EYA1: variants seen among roughly 807,000 people sequenced by gnomAD.
The protein encoded by EYA1 is EYA transcriptional coactivator and phosphatase 1.
Under a neutral mutation model 82.0 loss-of-function variants are expected in EYA1, and 16 were observed. That is an observed-to-expected ratio of 0.20 (90% confidence interval 0.13 to 0.30). EYA1 has a LOEUF of 0.30. EYA1 is among the 10% of genes least tolerant of loss of function. The pLI is 1.00. For synonymous variants in EYA1, 261 were observed against 264.4 expected (o/e 0.99, Z 0.12); for missense variants, 633 against 730.7 (o/e 0.87, Z 1.54).
intron 2 of EYA1, among the ~76,000 whole-genome samples, chr8:71,433,084 A>C (rs1363977738): frequency 6.6e-6 from 1 of 152,206 alleles, no homozygotes; most frequent in Non-Finnish European, 1.5e-5. Context: ...CATGTGGTCA[A>C]ATACCAAACT....
At position 71,427,723 on chromosome 8, in the gene EYA1, T is replaced by A. The variant is rs144678482; in HGVS notation, c.34-71212A>T. Among the ~76,000 whole-genome samples the A allele has an allele frequency of 2.0e-5, 3 of 152,184 alleles. No individual in the cohort carries two copies. In the East Asian group the frequency reaches 5.8e-4, roughly 29 times the overall value. The stretch of plus-strand genomic sequence containing the variant: ...AAGGCTAGTGCATCTCAAAAATTAT[T>A]AGAGATGGAGCAGTAGGCCAAGTAG... On this transcript the variant is annotated intron_variant, in intron 2 of 18. Transcript: ENST00000643681.
intron 2 of EYA1, among the ~76,000 whole-genome samples, chr8:71,520,219 C>A (rs1047644093): frequency 3.3e-5 from 5 of 151,498 alleles, no homozygotes; most frequent in African/African-American, 9.7e-5. Context: ...ATTGGCCCCC[C>A]CCTCCACTGA....
chr8:71,224,096 T>C (rs994872855), intron 12 of EYA1, among the ~76,000 whole-genome samples: 3 of 152,168 alleles, frequency 2.0e-5, no homozygotes, highest in Non-Finnish European at 4.4e-5. Context: ...AGAGTAAACC[T>C]GAAGTCCTTG....
At position 71,499,213 on chromosome 8, in the gene EYA1, T is replaced by C. The variant is rs186392470; in HGVS notation, c.33+36531A>G. 1.4e-3 allele frequency among the ~76,000 whole-genome samples: 216 copies of C among 152,336 alleles called. 1 individual carries two copies. The highest frequency in any genetic ancestry group is 4.9e-3 in the African/African-American group (202 of 41,574). Reference sequence around the variant, plus strand: ...GTAGACTTGAGTCACCTCTCACTGCTAGAGTCAGACCCTCACTAAATCCAG... The same window carrying C: ...GTAGACTTGAGTCACCTCTCACTGCCAGAGTCAGACCCTCACTAAATCCAG... On this transcript the variant is annotated intron_variant, in intron 2 of 18. Transcript: ENST00000643681.
upstream of EYA1, among the ~76,000 whole-genome samples, chr8:71,365,997 A>AATTTTAAT (rs1305170517): frequency 6.6e-6 from 1 of 152,218 alleles, no homozygotes. Context: ...TTATTTTAAT[A>AATTTTAAT]CATATTACAG....
chr8:71,456,074 T>C (rs1304065369), intron 2 of EYA1, among the ~76,000 whole-genome samples: 1 of 152,024 alleles, frequency 6.6e-6, no homozygotes, highest in East Asian at 1.9e-4. Context: ...GGATACAAAA[T>C]CAATGTGCAA....
At chr8:71,398,685 A>G (rs1038648302) in intron 2 of EYA1, among the ~76,000 whole-genome samples, 4 of 152,062 alleles carry the variant, frequency 2.6e-5, no homozygotes, top group Non-Finnish European at 5.9e-5. Context: ...ATCCAGCTGT[A>G]TGAGCTGTCA....
intron 2 of EYA1, among the ~76,000 whole-genome samples, chr8:71,451,536 T>C (rs1391310775): frequency 2.0e-5 from 3 of 152,194 alleles, no homozygotes; most frequent in Admixed American, 1.3e-4. Flanking sequence ...TATAGGTTTA[T>C]GGGGAATTAT....
At chr8:71,529,398 A>T (rs993105895) in intron 2 of EYA1, 3 of 152,236 alleles carry the variant, frequency 2.0e-5, no homozygotes, top group African/African-American at 7.2e-5. Context: ...AGCCTTAAGT[A>T]TTGGAAAATA....
At chr8:71,458,251 T>C (rs1023903418) in intron 2 of EYA1, among the ~76,000 whole-genome samples, 5 of 152,176 alleles carry the variant, frequency 3.3e-5, no homozygotes, top group Non-Finnish European at 7.4e-5. Context: ...CTGACTTATA[T>C]AGTCTGAGGT....
At chr8:71,477,784 A>C (rs1274182097) in intron 2 of EYA1, among the ~76,000 whole-genome samples, 1 of 152,226 alleles carries the variant, frequency 6.6e-6, no homozygotes, top group Non-Finnish European at 1.5e-5. Flanking sequence ...AAGACTTGTA[A>C]AAGAATGTTC....
rs2128850745 is a variant in EYA1 at position 71,215,614 on chromosome 8, C to T, written c.1475G>A (p.Arg492Gln). The T allele has an allele frequency of 1.9e-6, 3 of 1,613,600 alleles. No individual in the cohort carries two copies. Among genetic ancestry groups the T allele is most frequent in the South Asian group, 1.1e-5 (1 of 91,076 alleles). The change falls in exon 15 of 18, where the codon CGG becomes CAG. Residue 492 changes from arginine (R) to glutamine (Q), a missense_variant and splice_region_variant. By Grantham distance (43) the Arg-to-Gln change is conservative. Transcript: ENST00000340726. ...ALKALSLIHS[R>Q]TNCVNILVTT... ...GCAAAGACCCCGCAGAGAGCCTCAC[C>T]GGGAGTGAATGAGCGAGAGTGCTTT...
At chr8:71,224,945 TC>T (rs1426436688) in intron 12 of EYA1, among the ~76,000 whole-genome samples, 4 of 152,206 alleles carry the variant, frequency 2.6e-5, no homozygotes, top group African/African-American at 9.6e-5. Flanking sequence ...AGAGGAGTAG[TC>T]AAGGAAGAAG....
intron 2 of EYA1, among the ~76,000 whole-genome samples, chr8:71,355,274 C>A (rs1276548031): frequency 6.6e-6 from 1 of 152,110 alleles, no homozygotes; most frequent in African/African-American, 2.4e-5. Flanking sequence ...AAAGGCATTA[C>A]TTTTCTAAAA....
upstream of EYA1, chr8:71,362,297 A>AT (rs1827477624): frequency 1.4e-6 from 1 of 739,726 alleles, no homozygotes. Flanking sequence ...AAAAAAAAAA[A>AT]TTATGTAAAT....
At chr8:71,248,842 T>C (rs1236926098) in intron 11 of EYA1, among the ~76,000 whole-genome samples, 1 of 152,220 alleles carries the variant, frequency 6.6e-6, no homozygotes, top group African/African-American at 2.4e-5. Flanking sequence ...AGTTAATAAA[T>C]TACTCTGGCT....
At chr8:71,450,815 C>G (rs562216420) in intron 2 of EYA1, among the ~76,000 whole-genome samples, 30 of 152,306 alleles carry the variant, frequency 2.0e-4, no homozygotes, top group Non-Finnish European at 3.8e-4. Flanking sequence ...AGACTGCAAT[C>G]TGTGGATACT....
chr8:71,490,649 A>C (rs768966689), intron 2 of EYA1, among the ~76,000 whole-genome samples: 11 of 152,194 alleles, frequency 7.2e-5, no homozygotes, highest in Middle Eastern at 3.2e-3. Context: ...GGAGCTTACA[A>C]GATAAGCCTA....
At chr8:71,203,054 A>G (rs1204597041) in intron 17 of EYA1, among the ~76,000 whole-genome samples, 1 of 152,218 alleles carries the variant, frequency 6.6e-6, no homozygotes, top group African/African-American at 2.4e-5. Flanking sequence ...CATTTCTTGT[A>G]TGAAATCGGA....
Sources: gnomAD v4.1 joint callset for allele counts (sites outside exome capture counted in the v4.1 genomes callset) on GRCh38, gnomAD v4.1.1 for gene constraint, MANE v1.5 for transcripts, NCBI Gene and HGNC (gene_info 2026-07-23, HGNC 2026-07-21) for gene names.